CCDC88C: variants seen among roughly 807,000 people sequenced by gnomAD.
The protein encoded by CCDC88C is protein Daple.
Under a neutral mutation model 198.8 loss-of-function variants are expected in CCDC88C, and 131 were observed. That is an observed-to-expected ratio of 0.66 (90% CI 0.57 to 0.76). The LOEUF (loss-of-function observed/expected upper bound fraction) is 0.76. CCDC88C is among the 30% of genes least tolerant of loss of function. CCDC88C has a pLI of 0.00. For missense variants in CCDC88C, 2,553 were observed against 2,631.6 expected (o/e 0.97, Z 0.65); for synonymous variants, 1,166 against 1,114.7 (o/e 1.05, Z -0.92).
intron 2 of CCDC88C, among the ~76,000 whole-genome samples, chr14:91,414,293 T>C (rs1216219974): frequency 6.6e-6 from 1 of 152,150 alleles, no homozygotes; most frequent in Non-Finnish European, 1.5e-5. Context: ...GTACTTTACG[T>C]CCCATTTTAC....
chr14:91,384,540 A>G (rs1353224993), intron 3 of CCDC88C: 16 of 503,790 alleles, frequency 3.2e-5, no homozygotes, highest in Non-Finnish European at 6.0e-5. Flanking sequence ...CATCATAATC[A>G]TCACCCCATC....
intron 3 of CCDC88C, among the ~76,000 whole-genome samples, chr14:91,364,225 C>T (rs929503268): frequency 1.3e-5 from 2 of 152,218 alleles, no homozygotes; most frequent in Non-Finnish European, 2.9e-5. Context: ...ACATGGCCCT[C>T]CAAGGGAACC....
chr14:91,377,738 G>C (rs1355519524), intron 3 of CCDC88C, among the ~76,000 whole-genome samples: 1 of 152,244 alleles, frequency 6.6e-6, no homozygotes, highest in African/African-American at 2.4e-5. Context: ...TTTCTCAGGA[G>C]ACAGGCAGCC....
chr14:91,367,435 C>T (rs758309827), intron 3 of CCDC88C, among the ~76,000 whole-genome samples: 1 of 152,212 alleles, frequency 6.6e-6, no homozygotes, highest in African/African-American at 2.4e-5. Context: ...TGAGTGACGT[C>T]GGCTTCGCAG....
chr14:91,345,190 A>ATATATATATATATATATATTTT (rs1246878587), intron 4 of CCDC88C, among the ~76,000 whole-genome samples: 1 of 52,204 alleles, frequency 1.9e-5, no homozygotes, highest in African/African-American at 7.9e-5. Flanking sequence ...ATATATATAT[A>ATATATATATATATATATATTTT]TTTTTTTTTT....
At chr14:91,396,565 G>C (rs1182027293) in intron 3 of CCDC88C, among the ~76,000 whole-genome samples, 3 of 152,086 alleles carry the variant, frequency 2.0e-5, no homozygotes, top group Non-Finnish European at 4.4e-5. Context: ...ACAAGCACCG[G>C]GAACACCAAG....
chr14:91,309,091 T>C (rs531717429), intron 16 of CCDC88C, among the ~76,000 whole-genome samples: 12 of 152,102 alleles, frequency 7.9e-5, no homozygotes, highest in Non-Finnish European at 1.6e-4. Context: ...TAGCTGGGCA[T>C]GGTGATGCAT....
chr14:91,283,983 C>G (rs926621932), intron 25 of CCDC88C, among the ~76,000 whole-genome samples: 1 of 152,168 alleles, frequency 6.6e-6, no homozygotes, highest in Non-Finnish European at 1.5e-5. Context: ...GCTAACCTCA[C>G]AATATTCTGT....
intron 2 of CCDC88C, among the ~76,000 whole-genome samples, chr14:91,412,084 G>A (rs1886821583): frequency 6.6e-6 from 1 of 151,316 alleles, no homozygotes; most frequent in African/African-American, 2.4e-5. Context: ...CCCAACTTTT[G>A]GTCATATTCC....
chr14:91,351,572 G>C (rs553343592), intron 4 of CCDC88C, among the ~76,000 whole-genome samples: 8 of 152,300 alleles, frequency 5.3e-5, no homozygotes, highest in African/African-American at 1.9e-4. Flanking sequence ...GCACCTCTAC[G>C]CACGGGCTCA....
chr14:91,327,058 C>T (rs1319676567), intron 10 of CCDC88C, among the ~76,000 whole-genome samples: 3 of 152,226 alleles, frequency 2.0e-5, no homozygotes, highest in African/African-American at 7.2e-5. Flanking sequence ...TTCTCTTCTC[C>T]TGGGCCCTTC....
chr14:91,304,712 T>A (rs1891484287), intron 19 of CCDC88C, among the ~76,000 whole-genome samples: 1 of 152,168 alleles, frequency 6.6e-6, no homozygotes, highest in Admixed American at 6.5e-5. Flanking sequence ...TACCTCTCCA[T>A]CCAACAACAT....
At chr14:91,360,457 T>G (rs747623760) in intron 3 of CCDC88C, among the ~76,000 whole-genome samples, 3 of 151,722 alleles carry the variant, frequency 2.0e-5, no homozygotes, top group South Asian at 2.1e-4. Flanking sequence ...AAAAAGAAAA[T>G]AAGAAGAAGA....
chr14:91,348,036 C>T (rs974955455), intron 4 of CCDC88C, among the ~76,000 whole-genome samples: 6 of 152,136 alleles, frequency 3.9e-5, no homozygotes, highest in Admixed American at 1.3e-4. Context: ...GATGGAGTCT[C>T]GCTCTGTCAC....
chr14:91,349,430 T>C (rs1875126444), intron 4 of CCDC88C, among the ~76,000 whole-genome samples: 2 of 152,296 alleles, frequency 1.3e-5, no homozygotes, highest in African/African-American at 2.4e-5. Context: ...AAAGTATAAG[T>C]GCTTTATGGT....
chr14:91,303,330 C>G (rs942295419), intron 20 of CCDC88C, among the ~76,000 whole-genome samples: 1 of 146,648 alleles, frequency 6.8e-6, no homozygotes, highest in Non-Finnish European at 1.6e-5. Flanking sequence ...CTCCACCTCT[C>G]CTCCAGGCTC....
chr14:91,380,496 A>G (rs1039953378), intron 3 of CCDC88C, among the ~76,000 whole-genome samples: 2 of 152,216 alleles, frequency 1.3e-5, no homozygotes, highest in African/African-American at 4.8e-5. Flanking sequence ...AAAAGCAGAC[A>G]GTACAATAAG....
rs1892066657 is a variant in CCDC88C at position 91,315,763 on chromosome 14, C to G, written c.1552G>C (p.Glu518Gln). ...KKIEKLQTQLEREKQSNQDLE... is the reference protein window; with the variant it reads ...KKIEKLQTQLQREKQSNQDLE... ...TCTTGGTTGCTCTGCTTTTCTCTCTCCAGCTGGGTTTGTAACTTTTCAATC... is the reference window on the plus strand; with the variant it reads ...TCTTGGTTGCTCTGCTTTTCTCTCTGCAGCTGGGTTTGTAACTTTTCAATC... Residue 518 changes from glutamate to glutamine, a missense_variant, in exon 14 of 30, where the codon GAG (glutamate) becomes CAG (glutamine). By Grantham distance (29) the Glu-to-Gln change is conservative (BLOSUM62 2). Coordinates refer to ENST00000389857, the MANE Select transcript of CCDC88C (RefSeq NM_001080414.4). 12 of 1,613,212 alleles carry G rather than the reference C, an allele frequency of 7.4e-6. No homozygotes were observed. Among genetic ancestry groups the G allele is most frequent in the Non-Finnish European group, 1.0e-5 (12 of 1,179,622 alleles).
At position 91,306,940 on chromosome 14, in the gene CCDC88C, T is replaced by A. The variant is rs952719342; in HGVS notation, c.3195+98A>T. 5 of 1,289,628 alleles carry A rather than the reference T, an allele frequency of 3.9e-6. No homozygotes were observed. In the African/African-American group the frequency reaches 7.5e-5, roughly 19 times the overall value. The allele number at this position is 1,289,628 out of a possible 1,614,324, so 79.9% of individuals were successfully genotyped here. A position where few individuals can be genotyped will look rare whatever the true frequency, so the allele number is the denominator to read the frequency against. On this transcript the variant is annotated intron_variant, in intron 18 of 29. Transcript: ENST00000389857. ...CAACTAGATCTGGCTAAATCTCCTG[T>A]GTTCTTTACAGCAATGACAAGTCAT... is the stretch of plus-strand genomic sequence containing the variant.
Sources: gnomAD v4.1 joint callset for allele counts (sites outside exome capture counted in the v4.1 genomes callset) on GRCh38, gnomAD v4.1.1 for gene constraint, MANE v1.5 for transcripts, NCBI Gene and HGNC (gene_info 2026-07-23, HGNC 2026-07-21) for gene names.